CAPZA1: variants seen among roughly 807,000 people sequenced by gnomAD.
CAPZA1 encodes the protein F-actin-capping protein subunit alpha-1.
A neutral mutation model predicts 40.8 loss-of-function variants in CAPZA1; 10 were observed. That is an observed-to-expected ratio of 0.25 (90% CI 0.15 to 0.42). CAPZA1 has a LOEUF of 0.42. Ranked by LOEUF, CAPZA1 falls within the 10% of genes least tolerant of loss-of-function variation. CAPZA1 has a pLI of 1.00. For missense variants in CAPZA1, 277 were observed against 353.8 expected (o/e 0.78, Z 1.74); for synonymous variants, 98 against 115.0 (o/e 0.85, Z 0.95).
chr1:112,653,459 A>G (rs1470756910), intron 3 of CAPZA1, 139 bp from the exon 4 acceptor site: 3 of 608,184 alleles, frequency 4.9e-6, no homozygotes, highest in Non-Finnish European at 8.4e-6. Flanking sequence ...ATGTCTGGGG[A>G]GAAGGGAAAA....
chr1:112,623,497 A>G (rs532236896), intron 1 of CAPZA1, among the ~76,000 whole-genome samples: 4 of 151,630 alleles, frequency 2.6e-5, no homozygotes, highest in Non-Finnish European at 4.4e-5. Context: ...CCTGACCAAC[A>G]TGGAGAAACC....
intron 1 of CAPZA1, among the ~76,000 whole-genome samples, chr1:112,643,154 C>G (rs946615263): frequency 3.9e-5 from 6 of 152,180 alleles, no homozygotes; most frequent in Non-Finnish European, 7.4e-5. Context: ...GAGATTGATA[C>G]CAACAGTTGA....
intron 1 of CAPZA1, among the ~76,000 whole-genome samples, chr1:112,625,545 G>C (rs1335386967): frequency 5.9e-5 from 9 of 152,132 alleles, no homozygotes. Flanking sequence ...AACTGGATTT[G>C]GTAAATAAGA....
intron 5 of CAPZA1, 145 bp from the exon 6 acceptor site, chr1:112,658,877 A>G: frequency 1.6e-6 from 1 of 616,170 alleles, no homozygotes; most frequent in Admixed American, 2.8e-5. Flanking sequence ...TTGTTTTCAT[A>G]TCCCATGTGC....
intron 5 of CAPZA1, among the ~76,000 whole-genome samples, chr1:112,656,843 A>G (rs889970453): frequency 6.6e-6 from 1 of 151,070 alleles, no homozygotes; most frequent in African/African-American, 2.4e-5. Context: ...AACATTTTTC[A>G]TTGTCCTCTG....
intron 2 of CAPZA1, among the ~76,000 whole-genome samples, chr1:112,648,336 G>C (rs577529175): frequency 2.2e-5 from 3 of 135,930 alleles, no homozygotes; most frequent in Non-Finnish European, 4.8e-5. Context: ...AAATTTTCCT[G>C]TTGAATTTTT....
At chr1:112,624,250 T>G (rs1382418187) in intron 1 of CAPZA1, among the ~76,000 whole-genome samples, 2 of 152,110 alleles carry the variant, frequency 1.3e-5, no homozygotes, top group African/African-American at 4.8e-5. Context: ...TTCACTATAC[T>G]TTTCTTTTCC....
chr1:112,626,884 A>G (rs1354752730), intron 1 of CAPZA1, among the ~76,000 whole-genome samples: 1 of 152,268 alleles, frequency 6.6e-6, no homozygotes, highest in East Asian at 1.9e-4. Flanking sequence ...TCATGGTATA[A>G]CATACTGTTT....
chr1:112,636,113 TAAG>T (rs1477223585), intron 1 of CAPZA1, among the ~76,000 whole-genome samples: 3 of 152,206 alleles, frequency 2.0e-5, no homozygotes, highest in Non-Finnish European at 4.4e-5. Flanking sequence ...GATTATCTAA[TAAG>T]CTACAGTTTT....
At chr1:112,657,660 C>T (rs551788404) in intron 5 of CAPZA1, among the ~76,000 whole-genome samples, 1 of 152,162 alleles carries the variant, frequency 6.6e-6, no homozygotes, top group East Asian at 1.9e-4. Flanking sequence ...GGCATGATCT[C>T]AGCTCACTGC....
At chr1:112,635,553 C>CTTTT (rs5777132) in intron 1 of CAPZA1, among the ~76,000 whole-genome samples, 2 of 139,554 alleles carry the variant, frequency 1.4e-5, no homozygotes, top group Non-Finnish European at 3.1e-5. Context: ...TTGTCAAGGA[C>CTTTT]TTTTTTTTTT....
chr1:112,624,033 G>GA (rs1483214144), intron 1 of CAPZA1, among the ~76,000 whole-genome samples: 2 of 131,988 alleles, frequency 1.5e-5, no homozygotes, highest in African/African-American at 2.8e-5. Context: ...AAAAAGAAAA[G>GA]AAAAAGAAAT....
chr1:112,654,353 T>C, intron 4 of CAPZA1, 112 bp from the exon 5 acceptor site: 1 of 651,166 alleles, frequency 1.5e-6, no homozygotes, highest in South Asian at 2.2e-5. Context: ...ATGAAAGAAA[T>C]CTGACTAAAT....
chr1:112,656,972 G>A (rs1333151247), intron 5 of CAPZA1, among the ~76,000 whole-genome samples: 1 of 151,290 alleles, frequency 6.6e-6, no homozygotes, highest in Non-Finnish European at 1.5e-5. Context: ...TGTGGTCTCG[G>A]CTCACTGCAA....
intron 1 of CAPZA1, among the ~76,000 whole-genome samples, chr1:112,621,952 G>A (rs1296580854): frequency 6.6e-6 from 1 of 151,580 alleles, no homozygotes; most frequent in African/African-American, 2.4e-5. Flanking sequence ...TAGTAGAGAC[G>A]GGGTTTCACT....
intron 7 of CAPZA1, among the ~76,000 whole-genome samples, chr1:112,661,779 A>G (rs1671617606): frequency 6.6e-6 from 1 of 152,256 alleles, no homozygotes; most frequent in South Asian, 2.1e-4. Flanking sequence ...CACACATCAC[A>G]AAGGGTGATA....
intron 1 of CAPZA1, among the ~76,000 whole-genome samples, chr1:112,639,166 A>G (rs561703877): frequency 4.8e-4 from 73 of 152,074 alleles, no homozygotes; most frequent in Non-Finnish European, 9.7e-4. Context: ...ATTCCTTGCT[A>G]TGACAATGTG....
chr1:112,649,912 T>A (rs1236889743), intron 3 of CAPZA1: 1 of 159,076 alleles, frequency 6.3e-6, no homozygotes, highest in Admixed American at 6.5e-5. Flanking sequence ...AGTCATTGAC[T>A]CCTTACCACT....
chr1:112,654,941 A>T (rs1671468462), intron 5 of CAPZA1, among the ~76,000 whole-genome samples: 1 of 152,164 alleles, frequency 6.6e-6, no homozygotes, highest in East Asian at 1.9e-4. Context: ...CACCCATCAG[A>T]AAAAGGTCTT....
Sources: gnomAD v4.1 joint callset for allele counts (sites outside exome capture counted in the v4.1 genomes callset) on GRCh38, gnomAD v4.1.1 for gene constraint, MANE v1.5 for transcripts, NCBI Gene and HGNC (gene_info 2026-07-23, HGNC 2026-07-21) for gene names.